The following CCDC85C variants were observed in gnomAD, a reference collection of about 807,000 sequenced individuals.
CCDC85C encodes coiled-coil domain-containing protein 85C.
CCDC85C carries 18 observed loss-of-function variants against 38.3 expected under a neutral mutation model. That is an observed-to-expected ratio of 0.47 (90% CI 0.33 to 0.70). The LOEUF is 0.70. Ranked by LOEUF, CCDC85C falls within the 30% of genes least tolerant of loss-of-function variation. CCDC85C has a pLI of 0.03. For synonymous variants in CCDC85C, 264 were observed against 293.8 expected (o/e 0.90, Z 1.04); for missense variants, 566 against 621.2 (o/e 0.91, Z 0.94).
At chr14:99,536,289 T>C (rs900719221) in intron 1 of CCDC85C, among the ~76,000 whole-genome samples, 19 of 152,108 alleles carry the variant, frequency 1.2e-4, no homozygotes, top group African/African-American at 4.3e-4. Context: ...CTTCCGGCCA[T>C]AGGGCACCTG....
chr14:99,517,244 G>A, intron 3 of CCDC85C, 61 bp from the exon 4 acceptor site: 1 of 1,340,908 alleles, frequency 7.5e-7, no homozygotes, highest in South Asian at 1.4e-5. Flanking sequence ...AATGACCGGT[G>A]GCTCAGACAA....
chr14:99,576,745 G>A lies in CCDC85C; in HGVS notation c.793+26422C>T, dbSNP rs1898485547. Among the ~76,000 whole-genome samples the A allele has an allele frequency of 6.6e-6, 1 of 152,132 alleles. No individual in the cohort carries two copies. The highest frequency in any genetic ancestry group is 2.4e-5 in the African/African-American group (1 of 41,420). On this transcript the variant is annotated intron_variant, in intron 1 of 5. Transcript: ENST00000380243. The surrounding 1 kb of genome is among the most constrained non-coding windows in gnomAD (Gnocchi z 4.8). ...AAACAATCGCATGGCCTTTTTCCAG[G>A]TTTACAATCTTCCTACCCATGACAC...
In CCDC85C at chr14:99,525,147, C is replaced by A. The variant is rs538718422; in HGVS notation, c.868-2907G>T. Among the ~76,000 whole-genome samples the A allele has an allele frequency of 2.6e-5, 4 of 152,310 alleles. No individual in the cohort carries two copies. The South Asian group carries it at 8.3e-4, about 32-fold the overall frequency. ...CCACTGAGGACCGGAGTTCAGGACA[C>A]CTCCAGCCTGTATCCAGGGCCTTCA... On this transcript the variant is annotated intron_variant, in intron 2 of 5. Coordinates refer to ENST00000380243, the MANE Select transcript of CCDC85C (RefSeq NM_001144995.2).
In CCDC85C at chr14:99,547,630, T is replaced by C. The variant is rs560040890; in HGVS notation, c.794-11542A>G. Among the ~76,000 whole-genome samples, 11 of 151,976 alleles carry C rather than the reference T, an allele frequency of 7.2e-5. No homozygotes were observed. The South Asian group carries it at 2.1e-3, about 29-fold the overall frequency. On this transcript the variant is annotated intron_variant, in intron 1 of 5. Coordinates refer to ENST00000380243, the MANE Select transcript of CCDC85C (RefSeq NM_001144995.2). ...CTCTACTGAAAATACAAAAATTAGC[T>C]GGGTATGGTGGCGGGCACCTGTAGT...
Position 99,551,210 on chromosome 14 carries a change from T to G in CCDC85C, c.794-15122A>C, listed in dbSNP as rs544465557. Among the ~76,000 whole-genome samples, 38 of 152,306 alleles carry G rather than the reference T, an allele frequency of 2.5e-4. No individual in the cohort carries two copies. In the South Asian group the frequency reaches 7.5e-3, roughly 30 times the overall value. On this transcript the variant is annotated intron_variant, in intron 1 of 5. Transcript: ENST00000380243. ...CTGGGGTGGGGTGAGGGTCACAGCG[T>G]ACACGGAGCACTGGGGCTGGACAGA... is the stretch of plus-strand genomic sequence containing the variant.
chr14:99,500,855 T>C lies in CCDC85C; in HGVS notation c.*14391A>G, dbSNP rs202052846. The stretch of plus-strand genomic sequence containing the variant: ...ATCCATACCAGTTCCTACTAAAATA[T>C]GCAAAGCAACTCAAAGGTAAGAAGA... On this transcript the variant is annotated 3_prime_UTR_variant, in exon 6 of 6. Transcript: ENST00000380243. 1.0e-5 allele frequency: 16 copies of C among 1,543,836 alleles called. 1 individual carries two copies. In the Middle Eastern group the frequency reaches 5.0e-4, roughly 48 times the overall value.
chr14:99,603,377 G>C lies in CCDC85C; in HGVS notation c.583C>G (p.Pro195Ala). The change falls in exon 1 of 6, where the codon CCC becomes GCC. Residue 195 changes from proline (P) to alanine (A), a missense_variant. Around this residue, in one of 3 missense-constraint regions of CCDC85C, gnomAD observed 269 missense variants for 308.2 expected, o/e 0.87. Transcript: ENST00000380243. This position sits in a 1 kb window ranked among gnomAD's most constrained non-coding sequence, Gnocchi z 7.5. ...SLSGPLSGGA[P>A]GAGARDVGDG... is the part of the protein sequence containing the mutation. ...CCCACGTCGCGGGCCCCCGCGCCGG[G>C]CGCGCCACCCGACAGCGGCCCGCTC... 2.4e-6 allele frequency: 3 copies of C among 1,251,120 alleles called. No individual in the cohort carries two copies. The highest frequency in any genetic ancestry group is 1.0e-6 in the Non-Finnish European group (1 of 999,758). The allele number at this position is 1,251,120 out of a possible 1,614,324, so 77.5% of individuals were successfully genotyped here.
chr14:99,542,837 A>G (rs1210592670), intron 1 of CCDC85C, among the ~76,000 whole-genome samples: 3 of 152,192 alleles, frequency 2.0e-5, no homozygotes, highest in South Asian at 4.1e-4. Flanking sequence ...AGGCATGAGC[A>G]CTTCGGGTTT....
chr14:99,565,999 C>T (rs985326538), intron 1 of CCDC85C, among the ~76,000 whole-genome samples: 8 of 152,218 alleles, frequency 5.3e-5, no homozygotes, highest in African/African-American at 1.4e-4. Context: ...CGTAACGCAG[C>T]GCCGAAATGT....
intron 1 of CCDC85C, among the ~76,000 whole-genome samples, chr14:99,546,755 C>T (rs891819150): frequency 1.1e-4 from 16 of 152,180 alleles, no homozygotes; most frequent in African/African-American, 3.1e-4. Context: ...AAGAACAGAG[C>T]GCTTCATGAA....
intron 1 of CCDC85C, among the ~76,000 whole-genome samples, chr14:99,539,604 T>C (rs1321310801): frequency 6.6e-6 from 1 of 152,130 alleles, no homozygotes; most frequent in East Asian, 1.9e-4. Context: ...TTAGAAAGTT[T>C]CTCTCCTAAA....
intron 1 of CCDC85C, among the ~76,000 whole-genome samples, chr14:99,546,293 T>C (rs1010812657): frequency 4.6e-5 from 7 of 151,524 alleles, no homozygotes; most frequent in African/African-American, 1.7e-4. Flanking sequence ...GCAGAGTTAG[T>C]AAGAACAGTG....
chr14:99,562,503 G>A (rs1361621039), intron 1 of CCDC85C, among the ~76,000 whole-genome samples: 2 of 152,258 alleles, frequency 1.3e-5, no homozygotes, highest in Non-Finnish European at 2.9e-5. Flanking sequence ...TTCTGAGGAA[G>A]GGCAGTTGGC....
Position 99,604,199 on chromosome 14 carries a change from C to T in CCDC85C, c.-240G>A, listed in dbSNP as rs2140002527. 6.7e-6 allele frequency among the ~76,000 whole-genome samples: 1 copy of T among 148,590 alleles called. No homozygotes were observed. Among genetic ancestry groups the T allele is most frequent in the East Asian group, 2.0e-4 (1 of 5,070 alleles). On this transcript the variant is annotated 5_prime_UTR_variant, in exon 1 of 6. Transcript: ENST00000380243. ...CGGCGGCCGCGGTGCCGGGCGCTCT[C>T]AGGGTTCTGGAGAAGCAGGCGGAGG...
chr14:99,536,302 A>T (rs1897598367), intron 1 of CCDC85C, among the ~76,000 whole-genome samples: 1 of 152,132 alleles, frequency 6.6e-6, no homozygotes, highest in African/African-American at 2.4e-5. Flanking sequence ...GGCACCTGAC[A>T]CCAAGGCACG....
rs1418615144 is a variant in CCDC85C, at chr14:99,576,699, T to C, written c.793+26468A>G. On this transcript the variant is annotated intron_variant, in intron 1 of 5. Coordinates refer to ENST00000380243, the MANE Select transcript of CCDC85C (RefSeq NM_001144995.2). The surrounding 1 kb of genome is among the most constrained non-coding windows in gnomAD (Gnocchi z 4.8). ...ACTTGGTAGGATCCGGGCTCCTGAC[T>C]AGGGCTGCCTGGATAGCAGCAAACA... is the stretch of plus-strand genomic sequence containing the variant. 6.6e-6 allele frequency: 1 copy of C among 152,188 alleles called. No individual in the cohort carries two copies. Among genetic ancestry groups the C allele is most frequent in the Non-Finnish European group, 1.5e-5 (1 of 68,042 alleles). 9.4% of individuals were successfully genotyped at this position (152,188 alleles called of 1,614,324 possible). A position where few individuals can be genotyped will look rare whatever the true frequency, so the allele number is the denominator to read the frequency against.
At chr14:99,552,092 G>A (rs1207508723) in intron 1 of CCDC85C, among the ~76,000 whole-genome samples, 1 of 152,204 alleles carries the variant, frequency 6.6e-6, no homozygotes, top group Admixed American at 6.5e-5. Context: ...CCCGGAACCT[G>A]GGGGTCCAGG....
chr14:99,537,861 G>A (rs1288403358), intron 1 of CCDC85C, among the ~76,000 whole-genome samples: 2 of 152,164 alleles, frequency 1.3e-5, no homozygotes, highest in Admixed American at 6.5e-5. Flanking sequence ...TTCAGGGTGT[G>A]CTGGGTCCCT....
At chr14:99,579,655 T>TC (rs2054943646) in intron 1 of CCDC85C, among the ~76,000 whole-genome samples, 1 of 152,016 alleles carries the variant, frequency 6.6e-6, no homozygotes, top group African/African-American at 2.4e-5. Flanking sequence ...AGGACTGGAT[T>TC]CGGGATTGAG....
Sources: gnomAD v4.1 joint callset for allele counts (sites outside exome capture counted in the v4.1 genomes callset) on GRCh38, gnomAD v4.1.1 for gene constraint, gnomAD v4.1.1 regional missense constraint, Gnocchi (gnomAD v3.1) non-coding constraint, MANE v1.5 for transcripts, NCBI Gene and HGNC (gene_info 2026-07-23, HGNC 2026-07-21) for gene names.